Variants in PIP4K2A observed in about 807,000 individuals in gnomAD.
The protein encoded by PIP4K2A is phosphatidylinositol 5-phosphate 4-kinase type-2 alpha.
A neutral mutation model predicts 42.9 loss-of-function variants in PIP4K2A; 14 were observed. The ratio of observed to expected loss-of-function variants is 0.33; its 90% confidence interval spans 0.22 to 0.51. The LOEUF is 0.51. PIP4K2A is among the 20% of genes least tolerant of loss of function. The probability of loss-of-function intolerance (pLI) is 0.97; values close to 1 mark genes in which losing one functional copy is unlikely to be tolerated. For synonymous variants in PIP4K2A, 192 were observed against 192.2 expected (o/e 1.00, Z 0.01); for missense variants, 434 against 519.8 (o/e 0.83, Z 1.61).
intron 1 of PIP4K2A, among the ~76,000 whole-genome samples, chr10:22,639,245 C>CT (rs1838727896): frequency 6.6e-6 from 1 of 151,994 alleles, no homozygotes; most frequent in Non-Finnish European, 1.5e-5. Flanking sequence ...AACTGTCAAC[C>CT]TTTACCATGC....
At chr10:22,664,168 C>G (rs58316753) in intron 1 of PIP4K2A, among the ~76,000 whole-genome samples, 1 of 30,228 alleles carries the variant, frequency 3.3e-5, no homozygotes, top group Non-Finnish European at 5.6e-5. Flanking sequence ...TATATATATA[C>G]ATATATATAT....
At position 22,541,324 on chromosome 10, in the gene PIP4K2A, G is replaced by A. The variant is rs73598559; in HGVS notation, c.1036+480C>T. Among the ~76,000 whole-genome samples, 1,007 of 152,284 alleles carry A rather than the reference G, an allele frequency of 6.6e-3. 8 individuals carry two copies. The highest frequency in any genetic ancestry group is 0.023 in the African/African-American group (939 of 41,550). ...AGAGGGCTGTTGGTAATGACAAGAG[G>A]ACAAGCTAAGGGTCACAGAGGATCA... On this transcript the variant is annotated intron_variant, in intron 8 of 9. Coordinates refer to ENST00000376573, the MANE Select transcript of PIP4K2A (RefSeq NM_005028.5).
intron 4 of PIP4K2A, among the ~76,000 whole-genome samples, chr10:22,579,014 G>A (rs764417286): frequency 8.5e-5 from 13 of 152,080 alleles, no homozygotes; most frequent in Non-Finnish European, 1.6e-4. Flanking sequence ...TGATGAAAGG[G>A]AAGCCCCAGA....
At chr10:22,579,232 G>A (rs760894416) in intron 4 of PIP4K2A, among the ~76,000 whole-genome samples, 8 of 152,042 alleles carry the variant, frequency 5.3e-5, no homozygotes, top group Non-Finnish European at 1.0e-4. Context: ...GACTATTACC[G>A]CACGTGTAAA....
rs529611140 is a variant in PIP4K2A, at chr10:22,603,613, C to T, written c.339+4314G>A. Reference sequence around the variant, plus strand: ...GCAATAGTTTTTAAAGAAAGTGATGCTTCACCCTTTCTTCTCTCTGCATTC... The same window carrying T: ...GCAATAGTTTTTAAAGAAAGTGATGTTTCACCCTTTCTTCTCTCTGCATTC... On this transcript the variant is annotated intron_variant, in intron 3 of 9. Transcript: ENST00000376573. Among the ~76,000 whole-genome samples the T allele has an allele frequency of 6.8e-4, 103 of 152,306 alleles. No homozygotes were observed. In the South Asian group the frequency reaches 0.021, roughly 31 times the overall value.
chr10:22,536,720 A>AAAAAAAAAAAAC lies in PIP4K2A; in HGVS notation c.*480_*481insGTTTTTTTTTTT. The stretch of plus-strand genomic sequence containing the variant: ...GTCTCACATCTTTCAACTCCAAAAA[A>AAAAAAAAAAAAC]AAAAAAAAAAAAAAAAAACTGATCC... On this transcript the variant is annotated 3_prime_UTR_variant, in exon 10 of 10. Transcript: ENST00000376573. 1 of 106,480 alleles carries AAAAAAAAAAAAC rather than the reference A, an allele frequency of 9.4e-6. No homozygotes were observed. Among genetic ancestry groups the AAAAAAAAAAAAC allele is most frequent in the Non-Finnish European group, 2.1e-5 (1 of 46,568 alleles). 6.6% of individuals were successfully genotyped at this position (106,480 alleles called of 1,614,324 possible).
At chr10:22,605,977 A>G (rs1298710147) in intron 3 of PIP4K2A, among the ~76,000 whole-genome samples, 1 of 152,108 alleles carries the variant, frequency 6.6e-6, no homozygotes, top group Non-Finnish European at 1.5e-5. Context: ...TTTCTGTTAA[A>G]GTTAATTATT....
chr10:22,572,004 G>T (rs369376758), intron 5 of PIP4K2A, among the ~76,000 whole-genome samples: 26 of 152,270 alleles, frequency 1.7e-4, no homozygotes, highest in African/African-American at 5.5e-4. Context: ...CATTTTTAAA[G>T]AAACTACATA....
chr10:22,705,250 G>A (rs974165232), intron 1 of PIP4K2A, among the ~76,000 whole-genome samples: 1 of 151,856 alleles, frequency 6.6e-6, no homozygotes, highest in South Asian at 2.1e-4. Context: ...AGTAACCCTG[G>A]TCAGAACTGC....
Position 22,535,487 on chromosome 10 carries a change from G to A in PIP4K2A, c.*1714C>T, listed in dbSNP as rs10734041. ...ACTAGATCCACATACACGGGGCACA[G>A]CTGCAATCTGGACAGCCCTGAAGTA... On this transcript the variant is annotated 3_prime_UTR_variant, in exon 10 of 10. Transcript: ENST00000376573. 0.93 allele frequency: 141,473 copies of A among 152,332 alleles called. 65,751 individuals are homozygous for A. The highest frequency in any genetic ancestry group is 1 in the East Asian group (5,179 of 5,186). 9.4% of individuals were successfully genotyped at this position (152,332 alleles called of 1,614,324 possible). A position where few individuals can be genotyped will look rare whatever the true frequency, so the allele number is the denominator to read the frequency against.
intron 1 of PIP4K2A, among the ~76,000 whole-genome samples, chr10:22,625,831 G>A (rs566722087): frequency 5.3e-5 from 8 of 152,234 alleles, no homozygotes; most frequent in African/African-American, 7.2e-5. Flanking sequence ...CGTGGTTTTC[G>A]CAACACTGAA....
chr10:22,634,586 G>C (rs372514973), intron 1 of PIP4K2A, among the ~76,000 whole-genome samples: 1 of 152,114 alleles, frequency 6.6e-6, no homozygotes, highest in Admixed American at 6.5e-5. Context: ...CCAATTAAGA[G>C]GTTATTATTC....
chr10:22,555,206 T>C lies in PIP4K2A; in HGVS notation c.679-4434A>G, dbSNP rs570388879. Among the ~76,000 whole-genome samples the C allele has an allele frequency of 3.3e-5, 5 of 152,286 alleles. No homozygotes were observed. In the East Asian group the frequency reaches 9.6e-4, roughly 29 times the overall value. On this transcript the variant is annotated intron_variant, in intron 6 of 9. Coordinates refer to ENST00000376573, the MANE Select transcript of PIP4K2A (RefSeq NM_005028.5). The stretch of plus-strand genomic sequence containing the variant: ...GGAGACAAACTGAAGCCCATGGTTA[T>C]GTGAACACACTAGATCCAGGCTGCC...
intron 7 of PIP4K2A, among the ~76,000 whole-genome samples, chr10:22,550,397 C>A (rs974434228): frequency 1.1e-4 from 16 of 152,172 alleles, no homozygotes; most frequent in Non-Finnish European, 1.8e-4. Context: ...AATACAGGGG[C>A]CTGGGACCGG....
chr10:22,535,103 T>TTTG lies in PIP4K2A; in HGVS notation c.*2095_*2097dup, dbSNP rs897479262. 3 of 152,210 alleles carry TTTG rather than the reference T, an allele frequency of 2.0e-5. No individual in the cohort carries two copies. Among genetic ancestry groups the TTTG allele is most frequent in the African/African-American group, 7.2e-5 (3 of 41,448 alleles). 9.4% of individuals were successfully genotyped at this position (152,210 alleles called of 1,614,324 possible). ...ATCAACAGAAATAAATGACAGACTGTTTGTTATAGACAAAAATAAAAGCAT... is the reference window on the plus strand; with the variant it reads ...ATCAACAGAAATAAATGACAGACTGTTTGTTGTTATAGACAAAAATAAAAGCAT... On this transcript the variant is annotated 3_prime_UTR_variant, in exon 10 of 10. Coordinates refer to ENST00000376573, the MANE Select transcript of PIP4K2A (RefSeq NM_005028.5).
intron 1 of PIP4K2A, among the ~76,000 whole-genome samples, chr10:22,613,514 G>A (rs1588663680): frequency 6.6e-6 from 1 of 152,144 alleles, no homozygotes; most frequent in African/African-American, 2.4e-5. Flanking sequence ...GAGGGAAGAT[G>A]GGGCTCCCGA....
intron 1 of PIP4K2A, among the ~76,000 whole-genome samples, chr10:22,650,213 G>A (rs1016751642): frequency 6.6e-6 from 1 of 152,170 alleles, no homozygotes; most frequent in African/African-American, 2.4e-5. Flanking sequence ...TTACAAGCAG[G>A]TGTGAAGGTT....
At chr10:22,695,341 G>A (rs995162635) in intron 1 of PIP4K2A, among the ~76,000 whole-genome samples, 4 of 152,128 alleles carry the variant, frequency 2.6e-5, no homozygotes, top group African/African-American at 7.2e-5. Context: ...CACATGCTCC[G>A]ATTTTTTTCA....
intron 1 of PIP4K2A, among the ~76,000 whole-genome samples, chr10:22,652,974 G>A (rs979356332): frequency 7.9e-5 from 12 of 152,088 alleles, no homozygotes; most frequent in African/African-American, 2.9e-4. Context: ...CACACCTTCA[G>A]TCTGAGCTGC....
Sources: gnomAD v4.1 joint callset for allele counts (sites outside exome capture counted in the v4.1 genomes callset) on GRCh38, gnomAD v4.1.1 for gene constraint, MANE v1.5 for transcripts, NCBI Gene and HGNC (gene_info 2026-07-23, HGNC 2026-07-21) for gene names.